Variants in ZDHHC11B observed in about 807,000 individuals in gnomAD.
ZDHHC11B encodes the protein zDHHC palmitoyltransferase 11B (putative).
ZDHHC11B carries 17 observed loss-of-function variants against 42.3 expected under a neutral mutation model. The ratio of observed to expected loss-of-function variants is 0.40; its 90% CI spans 0.27 to 0.60. The LOEUF is 0.60. Ranked by LOEUF, ZDHHC11B falls within the 20% of genes least tolerant of loss-of-function variation. The pLI is 0.41. For synonymous variants in ZDHHC11B, 123 were observed against 193.5 expected (o/e 0.64, Z 3.02); for missense variants, 262 against 463.2 (o/e 0.57, Z 3.99).
chr5:769,807 C>A (rs2150229665), intron 1 of ZDHHC11B, among the ~76,000 whole-genome samples: 1 of 152,062 alleles, frequency 6.6e-6, no homozygotes, highest in South Asian at 2.1e-4. Flanking sequence ...GCAGGGTGGG[C>A]CAGCACTCTG....
intron 4 of ZDHHC11B, among the ~76,000 whole-genome samples, chr5:758,976 C>G (rs564630054): frequency 4.6e-5 from 7 of 151,974 alleles, no homozygotes; most frequent in African/African-American, 1.7e-4. Context: ...CCTGAGCTGG[C>G]GGGGAGCCCC....
chr5:756,966 C>T (rs6883629), intron 4 of ZDHHC11B, among the ~76,000 whole-genome samples: 7,169 of 148,408 alleles, frequency 0.048, 80 homozygotes, highest in East Asian at 0.13. Context: ...CCTCTGGGCT[C>T]GGAGCCTGGC....
rs1161578014 is a variant in ZDHHC11B, at chr5:756,761, G to A, written c.223-617C>T. On this transcript the variant is annotated intron_variant, in intron 4 of 13. Transcript: ENST00000508859. The stretch of plus-strand genomic sequence containing the variant: ...AGACAGCCTCAGACAGGAGGAGCAG[G>A]GGGAGGAGCGAGGGAGCTGCACAAC... Among the ~76,000 whole-genome samples the A allele has an allele frequency of 5.3e-5, 8 of 151,714 alleles. No individual in the cohort carries two copies. In the East Asian group the frequency reaches 1.5e-3, roughly 29 times the overall value.
intron 4 of ZDHHC11B, among the ~76,000 whole-genome samples, chr5:759,563 A>G (rs539421204): frequency 6.6e-6 from 1 of 152,036 alleles, no homozygotes; most frequent in Non-Finnish European, 1.5e-5. Flanking sequence ...TCCATTCCAC[A>G]CAACAGGCCC....
rs574097102 is a variant in ZDHHC11B at position 754,917 on chromosome 5, G to A, written c.503+81C>T. ...AGAGGACCCTCCACCCTTTCAACAC[G>A]AGGACCCCTGCCCACAGACCCCTCC... On this transcript the variant is annotated intron_variant, in intron 6 of 13. Transcript: ENST00000508859. 3.3e-4 allele frequency: 316 copies of A among 967,294 alleles called. 18 individuals are homozygous for A. The highest frequency in any genetic ancestry group is 2.8e-3 in the Admixed American group (91 of 32,316). The allele number at this position is 967,294 out of a possible 1,614,324, so 59.9% of individuals were successfully genotyped here. A position where few individuals can be genotyped will look rare whatever the true frequency, so the allele number is the denominator to read the frequency against.
chr5:753,703 C>T (rs1200238026), intron 6 of ZDHHC11B, among the ~76,000 whole-genome samples: 13 of 148,584 alleles, frequency 8.7e-5, no homozygotes, highest in African/African-American at 2.5e-4. Flanking sequence ...TACCATCTCA[C>T]GCAGCCTCTG....
chr5:771,763 A>C (rs553930466), intron 1 of ZDHHC11B, among the ~76,000 whole-genome samples: 2 of 150,742 alleles, frequency 1.3e-5, no homozygotes, highest in South Asian at 4.2e-4. Flanking sequence ...CGGGTCAGAG[A>C]GAAAGAACCT....
At chr5:725,841 C>T (rs1330429826) in intron 12 of ZDHHC11B, among the ~76,000 whole-genome samples, 3 of 152,280 alleles carry the variant, frequency 2.0e-5, no homozygotes, top group Non-Finnish European at 4.4e-5. Context: ...TGCGTGAGTG[C>T]TCAGGAGTAT....
At chr5:750,877 CG>C (rs1156814895) in intron 7 of ZDHHC11B, among the ~76,000 whole-genome samples, 3 of 125,478 alleles carry the variant, frequency 2.4e-5, no homozygotes, top group Admixed American at 9.3e-5. Flanking sequence ...CACTGTCTCT[CG>C]CCTGACACGA....
intron 11 of ZDHHC11B, chr5:732,498 G>A: frequency 3.0e-6 from 1 of 334,668 alleles, no homozygotes; most frequent in South Asian, 2.4e-5. Context: ...TGGGCTGGGG[G>A]CTCGATTGGT....
rs1215840648 is a variant in ZDHHC11B at position 756,104 on chromosome 5, A to T, written c.263T>A (p.Leu88Gln). Reference sequence around the variant, plus strand: ...GGCCGGGTCGATGCAGGACGCGATCAGGTGGACGACGAGGTGGAACGAGAA... The same window carrying T: ...GGCCGGGTCGATGCAGGACGCGATCTGGTGGACGACGAGGTGGAACGAGAA... ...GIFSFHLVVH[L>Q]IASCIDPADS... The change falls in exon 5 of 14, where the codon CTG becomes CAG. Residue 88 changes from leucine to glutamine, a missense_variant. Around this residue, in one of 5 missense-constraint regions of ZDHHC11B, gnomAD observed 33 missense variants for 174.6 expected, o/e 0.19. Coordinates refer to ENST00000508859, the MANE Select transcript of ZDHHC11B (RefSeq NM_001351303.2). The T allele has an allele frequency of 6.9e-7, 1 of 1,446,366 alleles. No individual in the cohort carries two copies. The highest frequency in any genetic ancestry group is 1.4e-5 in the African/African-American group (1 of 70,016). The allele number at this position is 1,446,366 out of a possible 1,614,324, so 89.6% of individuals were successfully genotyped here. A position where few individuals can be genotyped will look rare whatever the true frequency, so the allele number is the denominator to read the frequency against.
intron 4 of ZDHHC11B, among the ~76,000 whole-genome samples, chr5:765,872 T>C (rs1325315885): frequency 2.6e-5 from 4 of 151,924 alleles, no homozygotes; most frequent in Non-Finnish European, 5.9e-5. Context: ...ATTCTTGAAG[T>C]TGGTGAGACC....
At chr5:714,391 A>G (rs1347358522) in intron 13 of ZDHHC11B, among the ~76,000 whole-genome samples, 3 of 144,696 alleles carry the variant, frequency 2.1e-5, no homozygotes, top group Non-Finnish European at 4.5e-5. Context: ...TTGGAGGGGT[A>G]AGGTGTAATA....
rs1270062883 is a variant in ZDHHC11B, at chr5:713,752, G to A, written c.*8-1470C>T. Among the ~76,000 whole-genome samples the A allele has an allele frequency of 6.6e-5, 10 of 152,142 alleles. No individual in the cohort carries two copies. The South Asian group carries it at 1.9e-3, about 28-fold the overall frequency. On this transcript the variant is annotated intron_variant, in intron 13 of 13. Transcript: ENST00000508859. ...TTTCTCTTTTTCTTTCAGCTCTAGGGCTTGAAATGACTGATCCCCCCTGAT... is the reference window on the plus strand; with the variant it reads ...TTTCTCTTTTTCTTTCAGCTCTAGGACTTGAAATGACTGATCCCCCCTGAT...
chr5:723,477 G>A (rs1742340986), intron 12 of ZDHHC11B, among the ~76,000 whole-genome samples: 2 of 121,646 alleles, frequency 1.6e-5, no homozygotes, highest in South Asian at 5.3e-4. Context: ...AGGTCTGTCT[G>A]ATGCCAAAGT....
chr5:720,932 A>T (rs1191312877), intron 12 of ZDHHC11B, among the ~76,000 whole-genome samples: 7 of 151,540 alleles, frequency 4.6e-5, no homozygotes, highest in Non-Finnish European at 8.8e-5. Context: ...AACATACTGA[A>T]ACCCTATTTC....
At chr5:761,031 G>T (rs773314140) in intron 4 of ZDHHC11B, among the ~76,000 whole-genome samples, 1 of 151,856 alleles carries the variant, frequency 6.6e-6, no homozygotes, top group East Asian at 1.9e-4. Context: ...GCAGGCGGGC[G>T]CTGTGCTGAC....
At chr5:779,147 C>G (rs1736779109) in intron 1 of ZDHHC11B, among the ~76,000 whole-genome samples, 1 of 151,504 alleles carries the variant, frequency 6.6e-6, no homozygotes, top group African/African-American at 2.4e-5. Flanking sequence ...CGCCCTGAGG[C>G]TGGGGCTGCA....
intron 10 of ZDHHC11B, among the ~76,000 whole-genome samples, chr5:736,727 G>A (rs1395980128): frequency 5.3e-5 from 7 of 132,816 alleles, no homozygotes; most frequent in East Asian, 2.4e-4. Context: ...TCTTTGGGTC[G>A]ACAATGAAAT....
Sources: allele counts gnomAD v4.1 joint callset (sites outside exome capture counted in the v4.1 genomes callset), GRCh38; gene constraint gnomAD v4.1.1; regional missense constraint gnomAD v4.1.1; transcripts MANE v1.5; gene names NCBI Gene and HGNC (gene_info 2026-07-23, HGNC 2026-07-21).